GALNTL6: variants seen among roughly 807,000 people sequenced by gnomAD.
GALNTL6 encodes polypeptide N-acetylgalactosaminyltransferase like 6, also known as polypeptide N-acetylgalactosaminyltransferase-like 6.
A neutral mutation model predicts 73.7 loss-of-function variants in GALNTL6; 46 were observed. That is an observed-to-expected ratio of 0.62 (90% CI 0.49 to 0.80). GALNTL6 has a LOEUF of 0.80. Among genes scored for constraint, GALNTL6 ranks in the 30% least tolerant of loss-of-function variants. GALNTL6 has a pLI of 0.00. For synonymous variants in GALNTL6, 259 were observed against 263.7 expected (o/e 0.98, Z 0.17); for missense variants, 604 against 755.0 (o/e 0.80, Z 2.34).
At chr4:172,666,080 T>C (rs1731646341) in intron 5 of GALNTL6, among the ~76,000 whole-genome samples, 1 of 152,216 alleles carries the variant, frequency 6.6e-6, no homozygotes, top group Non-Finnish European at 1.5e-5. Context: ...CTTAATATTA[T>C]TTTAAATTTG....
intron 5 of GALNTL6, among the ~76,000 whole-genome samples, chr4:172,769,358 A>C (rs972563349): frequency 6.6e-6 from 1 of 152,208 alleles, no homozygotes; most frequent in Non-Finnish European, 1.5e-5. Context: ...AGGCAAGAAG[A>C]ATTTTGAAAG....
At chr4:172,342,475 C>A (rs1225991598) in intron 4 of GALNTL6, among the ~76,000 whole-genome samples, 1 of 152,132 alleles carries the variant, frequency 6.6e-6, no homozygotes, top group African/African-American at 2.4e-5. Context: ...TTACCCAGTA[C>A]AATGCCTTTC....
At chr4:172,259,088 C>T (rs1432452376) in intron 3 of GALNTL6, among the ~76,000 whole-genome samples, 1 of 151,028 alleles carries the variant, frequency 6.6e-6, no homozygotes, top group Non-Finnish European at 1.5e-5. Flanking sequence ...AAGTCTTTTA[C>T]ATATAACAAC....
chr4:171,953,634 G>T (rs553959475), intron 2 of GALNTL6, among the ~76,000 whole-genome samples: 2 of 152,172 alleles, frequency 1.3e-5, no homozygotes, highest in South Asian at 2.1e-4. Context: ...GTTTTGGAAA[G>T]AATCTCCTAG....
chr4:172,485,619 G>A (rs1056376506), intron 5 of GALNTL6, among the ~76,000 whole-genome samples: 3 of 151,976 alleles, frequency 2.0e-5, no homozygotes, highest in Non-Finnish European at 4.4e-5. Flanking sequence ...TTATGTGCCT[G>A]CTGTGTCTGT....
chr4:172,514,256 C>T (rs1734525612), intron 5 of GALNTL6, among the ~76,000 whole-genome samples: 1 of 152,158 alleles, frequency 6.6e-6, no homozygotes, highest in African/African-American at 2.4e-5. Context: ...TGAACTCAGA[C>T]TCTCCTTGGG....
At chr4:172,124,365 C>A (rs1733238945) in intron 2 of GALNTL6, among the ~76,000 whole-genome samples, 1 of 152,044 alleles carries the variant, frequency 6.6e-6, no homozygotes, top group African/African-American at 2.4e-5. Flanking sequence ...GCTGAAAAAT[C>A]CCAAAGTTAG....
chr4:172,894,596 A>G (rs1330747533), intron 8 of GALNTL6, among the ~76,000 whole-genome samples: 1 of 152,182 alleles, frequency 6.6e-6, no homozygotes, highest in Non-Finnish European at 1.5e-5. Flanking sequence ...GCGGCCTAAC[A>G]TATAGTTTAT....
chr4:172,809,382 A>G lies in GALNTL6; in HGVS notation c.575A>G (p.Glu192Gly), dbSNP rs748857500. 1.2e-6 allele frequency: 2 copies of G among 1,613,792 alleles called. No homozygotes were observed. Among genetic ancestry groups the G allele is most frequent in the Admixed American group, 3.3e-5 (2 of 59,994 alleles). Residue 192 changes from glutamate to glycine, a missense_variant, in exon 6 of 13, where the codon GAA (glutamate) becomes GGA (glycine). Transcript: ENST00000506823. This position sits in a 1 kb window ranked among gnomAD's most constrained non-coding sequence, Gnocchi z 4.4. ...CTAGAACACCTGAAGGATAAATTGG[A>G]AGAATACATGGCCCGATTTTCCAAA... ...SEREHLKDKLEEYMARFSKVR... is the reference protein window; with the variant it reads ...SEREHLKDKLGEYMARFSKVR...
At chr4:171,871,233 A>G (rs760740702) in intron 2 of GALNTL6, among the ~76,000 whole-genome samples, 2 of 151,342 alleles carry the variant, frequency 1.3e-5, no homozygotes, top group Non-Finnish European at 2.9e-5. Flanking sequence ...TGTTTTTCCT[A>G]TACATACCTG....
intron 2 of GALNTL6, among the ~76,000 whole-genome samples, chr4:171,921,944 C>T (rs993683717): frequency 2.0e-5 from 3 of 151,848 alleles, no homozygotes; most frequent in African/African-American, 7.3e-5. Flanking sequence ...TATTTTTCTT[C>T]AAAGAAAAGC....
In GALNTL6 at chr4:172,014,179, C is replaced by T. The variant is rs147779317; in HGVS notation, c.138+199461C>T. 6.6e-5 allele frequency among the ~76,000 whole-genome samples: 10 copies of T among 152,164 alleles called. No individual in the cohort carries two copies. In the East Asian group the frequency reaches 1.7e-3, roughly 27 times the overall value. On this transcript the variant is annotated intron_variant, in intron 2 of 12. Coordinates refer to ENST00000506823, the MANE Select transcript of GALNTL6 (RefSeq NM_001034845.3). ...CTATCATGAACAGTGCTGGAATAAA[C>T]ATGGGAGTGCAGATATCTCTTCAAT...
At chr4:172,112,924 C>T (rs1579151319) in intron 2 of GALNTL6, among the ~76,000 whole-genome samples, 1 of 151,900 alleles carries the variant, frequency 6.6e-6, no homozygotes, top group East Asian at 1.9e-4. Flanking sequence ...TGTCTTTGAT[C>T]TTGGACTACC....
intron 5 of GALNTL6, among the ~76,000 whole-genome samples, chr4:172,776,300 A>G (rs1378814150): frequency 6.6e-6 from 1 of 152,224 alleles, no homozygotes; most frequent in Non-Finnish European, 1.5e-5. Context: ...TATAGAGAGG[A>G]AAGAGGCAAT....
At chr4:172,805,498 C>A (rs1179826563) in intron 5 of GALNTL6, among the ~76,000 whole-genome samples, 1 of 152,206 alleles carries the variant, frequency 6.6e-6, no homozygotes, top group Middle Eastern at 3.4e-3. Context: ...TTTTCCATAT[C>A]ATCAGGATAT....
intron 2 of GALNTL6, among the ~76,000 whole-genome samples, chr4:171,941,767 AT>A (rs1738551370): frequency 6.6e-6 from 1 of 152,126 alleles, no homozygotes; most frequent in Non-Finnish European, 1.5e-5. Flanking sequence ...AACTGGCAGA[AT>A]TTTTTTCAGT....
At chr4:172,670,181 G>T (rs998505805) in intron 5 of GALNTL6, among the ~76,000 whole-genome samples, 2 of 152,100 alleles carry the variant, frequency 1.3e-5, no homozygotes, top group Non-Finnish European at 2.9e-5. Flanking sequence ...TAATGGGATT[G>T]CTGGGTCAAA....
intron 5 of GALNTL6, among the ~76,000 whole-genome samples, chr4:172,738,261 G>C (rs1365260250): frequency 6.6e-6 from 1 of 152,102 alleles, no homozygotes; most frequent in Admixed American, 6.5e-5. Flanking sequence ...TAGTTGGAGG[G>C]GTGTCATCCT....
intron 10 of GALNTL6, among the ~76,000 whole-genome samples, chr4:172,955,302 A>G (rs1749660140): frequency 6.6e-6 from 1 of 151,900 alleles, no homozygotes; most frequent in African/African-American, 2.4e-5. Flanking sequence ...ACATGGTGAA[A>G]CCCTATCTCT....
Sources: gnomAD v4.1 joint callset for allele counts (sites outside exome capture counted in the v4.1 genomes callset) on GRCh38, gnomAD v4.1.1 for gene constraint, Gnocchi (gnomAD v3.1) non-coding constraint, MANE v1.5 for transcripts, NCBI Gene and HGNC (gene_info 2026-07-23, HGNC 2026-07-21) for gene names.